The following DLGAP2 variants were observed in gnomAD, a reference collection of about 807,000 sequenced individuals.
DLGAP2 encodes the protein disks large-associated protein 2.
In DLGAP2, 26 loss-of-function variants were observed where a neutral mutation model predicts 100.3. That is an observed-to-expected ratio of 0.26 (90% CI 0.19 to 0.36). The LOEUF is 0.36. DLGAP2 is among the 10% of genes least tolerant of loss of function. The pLI, the probability that DLGAP2 is intolerant of heterozygous loss-of-function variation, is 1.00. For missense variants in DLGAP2, 1,858 were observed against 1,453.2 expected, an observed-to-expected ratio of 1.28 and a Z score of -4.53; for synonymous variants, 886 against 630.1, an observed-to-expected ratio of 1.41 and a Z score of -6.08.
At chr8:1,527,868 A>G (rs186365238) in intron 4 of DLGAP2, among the ~76,000 whole-genome samples, 15 of 150,640 alleles carry the variant, frequency 1.0e-4, no homozygotes, top group Admixed American at 8.6e-4. Flanking sequence ...TTTCTGTTTG[A>G]AAAAAAAAAT....
intron 2 of DLGAP2, among the ~76,000 whole-genome samples, chr8:1,001,408 C>G (rs893676055): frequency 6.6e-6 from 1 of 152,162 alleles, no homozygotes; most frequent in Non-Finnish European, 1.5e-5. Flanking sequence ...AACATTTTGA[C>G]AAACTTAAAG....
intron 3 of DLGAP2, among the ~76,000 whole-genome samples, chr8:1,326,410 A>G (rs758446584): frequency 1.3e-5 from 2 of 152,226 alleles, no homozygotes; most frequent in African/African-American, 4.8e-5. Context: ...TGACTCACTG[A>G]TGAGCAAGGA....
intron 3 of DLGAP2, among the ~76,000 whole-genome samples, chr8:1,466,957 T>G (rs1798643761): frequency 6.6e-6 from 1 of 152,146 alleles, no homozygotes; most frequent in Admixed American, 6.5e-5. Context: ...ATAGAAGTGA[T>G]TTTAAATTTT....
chr8:978,650 G>C (rs111930927), intron 2 of DLGAP2, among the ~76,000 whole-genome samples: 75 of 93,742 alleles, frequency 8.0e-4, no homozygotes, highest in Admixed American at 1.5e-3. Flanking sequence ...CAGTGAGAGG[G>C]TGGGTTCTGG....
At chr8:901,206 G>C (rs990875932) in intron 1 of DLGAP2, among the ~76,000 whole-genome samples, 2 of 152,190 alleles carry the variant, frequency 1.3e-5, no homozygotes, top group African/African-American at 2.4e-5. Flanking sequence ...AGGATTGCTT[G>C]AGCTGAGCCC....
chr8:1,032,598 C>G (rs1454122729), intron 2 of DLGAP2: 2 of 152,090 alleles, frequency 1.3e-5, no homozygotes, highest in African/African-American at 4.8e-5. Flanking sequence ...CTGCTGTGTG[C>G]CAAAATATTT....
intron 2 of DLGAP2, among the ~76,000 whole-genome samples, chr8:1,000,595 G>A (rs1295292562): frequency 1.3e-5 from 2 of 152,194 alleles, no homozygotes; most frequent in Non-Finnish European, 2.9e-5. Flanking sequence ...TGCATGTGGT[G>A]TTCCATTTAC....
At chr8:1,208,496 C>G (rs933315574) in intron 2 of DLGAP2, among the ~76,000 whole-genome samples, 2 of 152,148 alleles carry the variant, frequency 1.3e-5, no homozygotes, top group African/African-American at 4.8e-5. Context: ...TAAAAGTCAT[C>G]TATGACACAC....
intron 2 of DLGAP2, among the ~76,000 whole-genome samples, chr8:1,100,103 C>T (rs1585058450): frequency 6.6e-6 from 1 of 152,262 alleles, no homozygotes; most frequent in Non-Finnish European, 1.5e-5. Flanking sequence ...TGAATCATCC[C>T]TTTGTCCAGC....
chr8:1,562,646 G>A (rs1269039706), intron 5 of DLGAP2, among the ~76,000 whole-genome samples: 56 of 53,076 alleles, frequency 1.1e-3, no homozygotes, highest in African/African-American at 4.4e-3. Context: ...TCCGCGCCTC[G>A]TTGCTGGGGG....
At chr8:1,146,580 C>T (rs1298185172) in intron 2 of DLGAP2, among the ~76,000 whole-genome samples, 1 of 151,530 alleles carries the variant, frequency 6.6e-6, no homozygotes, top group Non-Finnish European at 1.5e-5. Flanking sequence ...TGTGTGTATG[C>T]ACATGTGTGT....
At chr8:787,206 C>G (rs1286588651) in intron 1 of DLGAP2, among the ~76,000 whole-genome samples, 1 of 152,176 alleles carries the variant, frequency 6.6e-6, no homozygotes, top group Non-Finnish European at 1.5e-5. Flanking sequence ...CCTTTGAAGA[C>G]TGCTGTATGT....
intron 2 of DLGAP2, among the ~76,000 whole-genome samples, chr8:1,181,417 A>G (rs892575630): frequency 6.6e-6 from 1 of 152,164 alleles, no homozygotes; most frequent in Non-Finnish European, 1.5e-5. Context: ...AGCTCCATCC[A>G]TGTTCCTGCA....
chr8:1,374,726 C>G (rs906670104), intron 3 of DLGAP2, among the ~76,000 whole-genome samples: 7 of 151,334 alleles, frequency 4.6e-5, no homozygotes, highest in Non-Finnish European at 1.0e-4. Flanking sequence ...TTTGCATTAT[C>G]AAAATGCATA....
intron 3 of DLGAP2, among the ~76,000 whole-genome samples, chr8:1,454,220 A>C (rs1402867225): frequency 4.6e-5 from 7 of 152,332 alleles, no homozygotes; most frequent in Non-Finnish European, 1.0e-4. Flanking sequence ...GCCGCCCGGC[A>C]GGATGTCCCC....
At chr8:1,373,163 T>C (rs1293954118) in intron 3 of DLGAP2, among the ~76,000 whole-genome samples, 1 of 152,164 alleles carries the variant, frequency 6.6e-6, no homozygotes, top group Non-Finnish European at 1.5e-5. Context: ...TCATTTGCTT[T>C]GGCCGTTGGA....
chr8:764,704 C>A (rs1821166813), intron 1 of DLGAP2, among the ~76,000 whole-genome samples: 1 of 152,166 alleles, frequency 6.6e-6, no homozygotes, highest in South Asian at 2.1e-4. Context: ...CCATCACACA[C>A]CTTGTGGTTG....
intron 2 of DLGAP2, among the ~76,000 whole-genome samples, chr8:949,537 C>A (rs1799422313): frequency 6.6e-6 from 1 of 152,152 alleles, no homozygotes; most frequent in Non-Finnish European, 1.5e-5. Flanking sequence ...CACAGTCGGG[C>A]CAGTGCCTGC....
chr8:757,000 T>C (rs1046917858), intron 1 of DLGAP2, among the ~76,000 whole-genome samples: 1 of 152,184 alleles, frequency 6.6e-6, no homozygotes, highest in African/African-American at 2.4e-5. Context: ...TCTTCCGGAA[T>C]GTTTGCCTCA....
Sources: gnomAD v4.1 joint callset for allele counts (sites outside exome capture counted in the v4.1 genomes callset) on GRCh38, gnomAD v4.1.1 for gene constraint, MANE v1.5 for transcripts, NCBI Gene and HGNC (gene_info 2026-07-23, HGNC 2026-07-21) for gene names.